CEP290: variants seen among roughly 807,000 people sequenced by gnomAD.
The protein encoded by CEP290 is centrosomal protein 290.
In CEP290, 317 loss-of-function variants were observed where a neutral mutation model predicts 344.9. The ratio of observed to expected loss-of-function variants is 0.92; its 90% CI spans 0.84 to 1.01. The LOEUF is 1.01. Ranked by LOEUF, CEP290 falls within the 50% of genes least tolerant of loss-of-function variation. The probability of loss-of-function intolerance (pLI) is 0.00; values close to 1 mark genes in which losing one functional copy is unlikely to be tolerated. For missense variants in CEP290, 2,754 were observed against 2,761.4 expected, an observed-to-expected ratio of 1.00 and a Z score of 0.06; for synonymous variants, 932 against 895.8, an observed-to-expected ratio of 1.04 and a Z score of -0.72.
At position 88,117,025 on chromosome 12, in the gene CEP290, ACTAT is replaced by A; in HGVS notation, c.1824+4_1824+7del. On this transcript the variant is annotated splice_donor_5th_base_variant and intron_variant, in intron 18 of 53. Coordinates refer to ENST00000552810, the MANE Select transcript of CEP290 (RefSeq NM_025114.4). ...TCCTTTACTCTCTTTGCAATACTTT[ACTAT>A]TACCTTTGATTGTGCTTCACTCATA... 7.9e-7 allele frequency: 1 copy of A among 1,265,826 alleles called. No individual in the cohort carries two copies. Among genetic ancestry groups the A allele is most frequent in the Non-Finnish European group, 1.1e-6 (1 of 892,092 alleles). 78.4% of individuals were successfully genotyped at this position (1,265,826 alleles called of 1,614,324 possible).
chr12:88,055,464 G>T, intron 50 of CEP290, 112 bp downstream of exon 50: 1 of 915,080 alleles, frequency 1.1e-6, no homozygotes, highest in Non-Finnish European at 1.5e-6. Context: ...GTGCCCTTCA[G>T]TTAGATGGGT....
rs746614039 is a variant in CEP290, at chr12:88,141,251, G to C, written c.57C>G (p.Pro19=). Residue 19 remains proline (P), a synonymous_variant, in exon 2 of 54, where the codon CCC becomes CCG. Transcript: ENST00000552810. ...AATTATCTGCCAGTTCTTCTTGACG[G>C]GGCAGGTCATCTGGGTCAACTTTCA... ...EIMKVDPDDL[P]RQEELADNLL... 6.2e-7 allele frequency: 1 copy of C among 1,610,744 alleles called. No homozygotes were observed. Among genetic ancestry groups the C allele is most frequent in the African/African-American group, 1.3e-5 (1 of 74,764 alleles).
chr12:88,118,609 G>A (rs369557540), intron 16 of CEP290, 34 bp downstream of exon 16: 8 of 1,610,036 alleles, frequency 5.0e-6, no homozygotes, highest in Non-Finnish European at 6.8e-6. Context: ...CTATAGTTCA[G>A]CCAAGAAAAT....
At chr12:88,075,436 C>A (rs1182060233) in intron 41 of CEP290, among the ~76,000 whole-genome samples, 1 of 151,718 alleles carries the variant, frequency 6.6e-6, no homozygotes, top group Non-Finnish European at 1.5e-5. Flanking sequence ...ATTCATTCAA[C>A]AAATACTGAG....
At chr12:88,068,478 T>G in intron 44 of CEP290, 44 bp downstream of exon 44, 1 of 1,282,060 alleles carries the variant, frequency 7.8e-7, no homozygotes, top group Non-Finnish European at 1.0e-6. Context: ...TTCATGCATT[T>G]TAACATGGAA....
At chr12:88,052,734 T>C (rs1281926874) in intron 52 of CEP290, among the ~76,000 whole-genome samples, 1 of 152,178 alleles carries the variant, frequency 6.6e-6, no homozygotes, top group Non-Finnish European at 1.5e-5. Flanking sequence ...CTCATCCTGG[T>C]AAATTCTATT....
rs750159998 is a variant in CEP290, at chr12:88,068,527, G to C, written c.6130C>G (p.Pro2044Ala). The change falls in exon 44 of 54, where the codon CCT becomes GCT. Residue 2044 changes from proline (P) to alanine (A), a missense_variant. Transcript: ENST00000552810. ...KQFSKDTYSKPSISGIESDDH... is the reference protein window; with the variant it reads ...KQFSKDTYSKASISGIESDDH... ...AATAAAAGATATACACTTACTGAAG[G>C]CTTAGAATATGTATCCTTTGAAAAC... The C allele has an allele frequency of 1.3e-6, 2 of 1,526,656 alleles. No individual in the cohort carries two copies. The highest frequency in any genetic ancestry group is 1.8e-6 in the Non-Finnish European group (2 of 1,133,790). 94.6% of individuals were successfully genotyped at this position (1,526,656 alleles called of 1,614,324 possible). A position where few individuals can be genotyped will look rare whatever the true frequency, so the allele number is the denominator to read the frequency against.
rs374887934 is a variant in CEP290, at chr12:88,090,513, C to T, written c.3573+215G>A. Among the ~76,000 whole-genome samples the T allele has an allele frequency of 1.5e-3, 227 of 152,152 alleles. 1 individual carries two copies. The highest frequency in any genetic ancestry group is 1.0e-3 in the South Asian group (5 of 4,816). ...GGTGTGGTGGCACGTGCCTGTAGTC[C>T]CAGCTGTCTAAGAGGCTGAGGTGGG... On this transcript the variant is annotated intron_variant, in intron 30 of 53. Coordinates refer to ENST00000552810, the MANE Select transcript of CEP290 (RefSeq NM_025114.4).
At chr12:88,081,822 C>CA (rs2036220754) in intron 37 of CEP290, among the ~76,000 whole-genome samples, 1 of 152,094 alleles carries the variant, frequency 6.6e-6, no homozygotes, top group Non-Finnish European at 1.5e-5. Flanking sequence ...AAATTAGATG[C>CA]AAAAGCACAA....
chr12:88,083,988 T>A, intron 35 of CEP290, 34 bp from the exon 36 acceptor site: 1 of 1,313,626 alleles, frequency 7.6e-7, no homozygotes, highest in Non-Finnish European at 1.1e-6. Flanking sequence ...ATATCTTAAA[T>A]TGTGATTAAA....
At chr12:88,096,836 TA>T in intron 27 of CEP290, 51 bp downstream of exon 27, 1 of 880,448 alleles carries the variant, frequency 1.1e-6, no homozygotes. Flanking sequence ...AAATAAGAAA[TA>T]TTCATTATTA....
rs553172919 is a variant in CEP290 at position 88,117,774 on chromosome 12, C to T, written c.1712-629G>A. Among the ~76,000 whole-genome samples, 107 of 152,292 alleles carry T rather than the reference C, an allele frequency of 7.0e-4. 2 individuals carry two copies. The South Asian group carries it at 0.019, about 27-fold the overall frequency. ...TTAAGGCCAGGCATGGTGGCTCACG[C>T]CTATAATTCCAGCACTTTGGGGAGC... On this transcript the variant is annotated intron_variant, in intron 17 of 53. Transcript: ENST00000552810.
Position 88,068,571 on chromosome 12 carries a change from A to C in CEP290, c.6086T>G (p.Leu2029Arg). The change falls in exon 44 of 54, where the codon CTT becomes CGT. Residue 2029 changes from leucine (L) to arginine (R), a missense_variant. Leu to Arg is a moderately radical substitution (Grantham distance 102). Coordinates refer to ENST00000552810, the MANE Select transcript of CEP290 (RefSeq NM_025114.4). ...HLQNRYLQEKLHALEKQFSKD... is the reference protein window; with the variant it reads ...HLQNRYLQEKRHALEKQFSKD... ...TGAAAACTGTTTTTCTAAAGCATGA[A>C]GTTTTTCTTGGAGGTATCTATTTTG... 1 of 1,588,776 alleles carries C rather than the reference A, an allele frequency of 6.3e-7. No homozygotes were observed. The highest frequency in any genetic ancestry group is 2.3e-5 in the East Asian group (1 of 43,484).
At chr12:88,124,415 C>T (rs1472031190) in intron 13 of CEP290, among the ~76,000 whole-genome samples, 1 of 152,128 alleles carries the variant, frequency 6.6e-6, no homozygotes, top group Non-Finnish European at 1.5e-5. Flanking sequence ...GTTCAATTAT[C>T]TCCTGAGCAA....
At chr12:88,072,755 C>A (rs1422835563) in intron 41 of CEP290, among the ~76,000 whole-genome samples, 1 of 151,844 alleles carries the variant, frequency 6.6e-6, no homozygotes, top group Non-Finnish European at 1.5e-5. Flanking sequence ...ACTCTAGAGG[C>A]AATAGGAATA....
At chr12:88,103,922 T>C (rs1336954145) in intron 25 of CEP290, 1 of 152,116 alleles carries the variant, frequency 6.6e-6, no homozygotes, top group Non-Finnish European at 1.5e-5. Flanking sequence ...GATGAGATTC[T>C]ATTTCCCATC....
intron 6 of CEP290, among the ~76,000 whole-genome samples, chr12:88,131,758 C>T (rs1181076926): frequency 1.3e-5 from 2 of 152,100 alleles, no homozygotes; most frequent in African/African-American, 2.4e-5. Context: ...AAAGAACACA[C>T]ACACAAACTA....
chr12:88,113,839 A>G (rs932810829), intron 20 of CEP290, among the ~76,000 whole-genome samples: 2 of 142,564 alleles, frequency 1.4e-5, no homozygotes, highest in African/African-American at 2.6e-5. Flanking sequence ...TTCTGATGGC[A>G]TAAGTTCCTA....
In CEP290 at chr12:88,129,343, T is replaced by C. The variant is rs2039929990; in HGVS notation, c.853-308A>G. Among the ~76,000 whole-genome samples, 4 of 151,998 alleles carry C rather than the reference T, an allele frequency of 2.6e-5. No individual in the cohort carries two copies. The South Asian group carries it at 8.3e-4, about 31-fold the overall frequency. The stretch of plus-strand genomic sequence containing the variant: ...TTTAAACAAATTTAATCCACATAAA[T>C]ACTGAACAATGTATTGGTTTCTAAT... On this transcript the variant is annotated intron_variant, in intron 10 of 53. Coordinates refer to ENST00000552810, the MANE Select transcript of CEP290 (RefSeq NM_025114.4).
Sources: gnomAD v4.1 joint callset for allele counts (sites outside exome capture counted in the v4.1 genomes callset) on GRCh38, gnomAD v4.1.1 for gene constraint, MANE v1.5 for transcripts, NCBI Gene and HGNC (gene_info 2026-07-23, HGNC 2026-07-21) for gene names.